The following DNAH11 variants were observed in gnomAD, a reference collection of about 807,000 sequenced individuals.
The protein encoded by DNAH11 is dynein axonemal heavy chain 11, also known as axonemal beta dynein heavy chain 11.
DNAH11 carries 442 observed loss-of-function variants against 526.0 expected under a neutral mutation model. That is an observed-to-expected ratio of 0.84 (90% CI 0.78 to 0.91). The LOEUF is 0.91. DNAH11 is among the 40% of genes least tolerant of loss of function. The pLI is 0.00. For synonymous variants in DNAH11, 2,461 were observed against 1,935.9 expected (o/e 1.27, Z -7.12); for missense variants, 6,989 against 5,448.7 (o/e 1.28, Z -8.90).
At position 21,635,973 on chromosome 7, in the gene DNAH11, A is replaced by G; in HGVS notation, c.4603A>G (p.Thr1535Ala). 1 of 1,613,718 alleles carries G rather than the reference A, an allele frequency of 6.2e-7. No individual in the cohort carries two copies. Among genetic ancestry groups the G allele is most frequent in the Middle Eastern group, 1.6e-4 (1 of 6,062 alleles). The change falls in exon 26 of 82, where the codon ACT becomes GCT. Residue 1535 changes from threonine (T) to alanine (A), a missense_variant. Coordinates refer to ENST00000409508, the MANE Select transcript of DNAH11 (RefSeq NM_001277115.2). ...AAACATAGCAGACTTGGTCATCTTCACTTGGATGGAAGTCCAGCGAACTTG... is the reference window on the plus strand; with the variant it reads ...AAACATAGCAGACTTGGTCATCTTCGCTTGGATGGAAGTCCAGCGAACTTG... The part of the protein sequence containing the change: ...KLNIADLVIF[T>A]WMEVQRTWSH...
At position 21,901,283 on chromosome 7, in the gene DNAH11, C is replaced by G. The variant is rs1583831085; in HGVS notation, c.*29C>G. ...AACACTGGCATTCCTCTAGCCTCTG[C>G]TGGAGTGCAGTGAGGATTTTCTAGC... On this transcript the variant is annotated 3_prime_UTR_variant, in exon 82 of 82. Transcript: ENST00000409508. 1 of 1,581,154 alleles carries G rather than the reference C, an allele frequency of 6.3e-7. No individual in the cohort carries two copies. The highest frequency in any genetic ancestry group is 1.3e-5 in the African/African-American group (1 of 74,146).
chr7:21,557,142 C>G (rs1783252633), intron 2 of DNAH11, among the ~76,000 whole-genome samples: 1 of 152,122 alleles, frequency 6.6e-6, no homozygotes, highest in Non-Finnish European at 1.5e-5. Context: ...ACTCTTCAGC[C>G]TGTTTGCAGA....
At position 21,877,792 on chromosome 7, in the gene DNAH11, A is replaced by G. The variant is rs1783774337; in HGVS notation, c.12196-2910A>G. 4.0e-5 allele frequency among the ~76,000 whole-genome samples: 6 copies of G among 148,480 alleles called. No individual in the cohort carries two copies. The South Asian group carries it at 1.1e-3, about 27-fold the overall frequency. On this transcript the variant is annotated intron_variant, in intron 74 of 81. Transcript: ENST00000409508. ...CGGGAGGCTGAGGCAGGAGAATGGC[A>G]TGAACCCGGGAGGCAGAGGTTGCAA... is the stretch of plus-strand genomic sequence containing the variant.
chr7:21,862,125 T>TTA, intron 69 of DNAH11, 102 bp downstream of exon 69: 3 of 1,212,256 alleles, frequency 2.5e-6, no homozygotes, highest in Non-Finnish European at 1.1e-6. Flanking sequence ...TAATAGACTT[T>TTA]TTTTTTTTTT....
At chr7:21,753,649 C>T (rs1447153480) in intron 54 of DNAH11, among the ~76,000 whole-genome samples, 1 of 152,162 alleles carries the variant, frequency 6.6e-6, no homozygotes, top group African/African-American at 2.4e-5. Flanking sequence ...TTAATTGTGT[C>T]TGTTTCTAAA....
intron 28 of DNAH11, among the ~76,000 whole-genome samples, chr7:21,648,487 G>A (rs116283103): frequency 1.8e-4 from 27 of 152,250 alleles, no homozygotes; most frequent in African/African-American, 6.5e-4. Flanking sequence ...GTCAACCCTA[G>A]CCTGCTGGAT....
chr7:21,638,528 G>A (rs923067628), intron 27 of DNAH11, among the ~76,000 whole-genome samples: 23 of 152,088 alleles, frequency 1.5e-4, no homozygotes, highest in African/African-American at 5.3e-4. Flanking sequence ...ACATCCAGTG[G>A]GGGAAAAGAA....
At chr7:21,733,975 T>A (rs1343477656) in intron 45 of DNAH11, among the ~76,000 whole-genome samples, 1 of 152,098 alleles carries the variant, frequency 6.6e-6, no homozygotes, top group Non-Finnish European at 1.5e-5. Context: ...GACTTTGAAT[T>A]TTAAAACTGG....
chr7:21,717,987 G>A (rs1427938301), intron 43 of DNAH11, 62 bp downstream of exon 43: 2 of 1,529,196 alleles, frequency 1.3e-6, no homozygotes, highest in Non-Finnish European at 1.8e-6. Context: ...TGTTGATCAA[G>A]ACAACAGAAG....
chr7:21,808,401 C>T (rs1282701670), intron 63 of DNAH11, among the ~76,000 whole-genome samples: 2 of 151,954 alleles, frequency 1.3e-5, no homozygotes, highest in South Asian at 4.1e-4. Flanking sequence ...CACTATAATT[C>T]TTCCTTTCTA....
chr7:21,745,739 G>T (rs976645665), intron 51 of DNAH11, among the ~76,000 whole-genome samples: 1 of 152,228 alleles, frequency 6.6e-6, no homozygotes, highest in Non-Finnish European at 1.5e-5. Context: ...ATATCAGAAA[G>T]TGATGTGTCA....
At chr7:21,831,674 A>C (rs892645525) in intron 65 of DNAH11, among the ~76,000 whole-genome samples, 2 of 152,150 alleles carry the variant, frequency 1.3e-5, no homozygotes, top group Non-Finnish European at 2.9e-5. Context: ...TGCTTTTCAA[A>C]CTGGAATCCT....
chr7:21,597,558 G>T (rs540269132), intron 14 of DNAH11, among the ~76,000 whole-genome samples: 1 of 152,136 alleles, frequency 6.6e-6, no homozygotes, highest in Non-Finnish European at 1.5e-5. Flanking sequence ...AGCAAGGTCC[G>T]TCTTACATGG....
intron 29 of DNAH11, among the ~76,000 whole-genome samples, chr7:21,657,812 C>T (rs533339055): frequency 1.3e-5 from 2 of 152,256 alleles, no homozygotes; most frequent in South Asian, 4.2e-4. Flanking sequence ...AGGCCATTTC[C>T]AGAGCAGTGT....
Position 21,614,993 on chromosome 7 carries a change from T to A in DNAH11, c.3853-121T>A, listed in dbSNP as rs1785697590. The A allele has an allele frequency of 1.0e-5, 12 of 1,192,194 alleles. No homozygotes were observed. The East Asian group carries it at 3.2e-4, about 31-fold the overall frequency. 73.9% of individuals were successfully genotyped at this position (1,192,194 alleles called of 1,614,324 possible). On this transcript the variant is annotated intron_variant, in intron 20 of 81. Coordinates refer to ENST00000409508, the MANE Select transcript of DNAH11 (RefSeq NM_001277115.2). ...ATTTTGCCAGTAATTACGCTGCAGA[T>A]TTATTTTTATTTTCCCGTTAAAAAT... is the stretch of plus-strand genomic sequence containing the variant.
At chr7:21,543,765 C>G (rs1427247213) in intron 1 of DNAH11, 169 bp downstream of exon 1, 21 of 661,100 alleles carry the variant, frequency 3.2e-5, no homozygotes, top group Non-Finnish European at 5.1e-5. Context: ...CGTGCACCCA[C>G]TCTGCAGTTC....
At chr7:21,599,722 G>C in intron 14 of DNAH11, 65 bp from the exon 15 acceptor site, 2 of 1,215,286 alleles carry the variant, frequency 1.6e-6, no homozygotes, top group Non-Finnish European at 2.2e-6. Flanking sequence ...TATTTAAACG[G>C]AGAGTTTTAG....
intron 61 of DNAH11, among the ~76,000 whole-genome samples, chr7:21,799,682 A>G (rs1373156953): frequency 6.6e-6 from 1 of 152,192 alleles, no homozygotes; most frequent in South Asian, 2.1e-4. Flanking sequence ...ATCTCCATCA[A>G]TTCTCATAAA....
rs559702329 is a variant in DNAH11, at chr7:21,684,070, T to C, written c.5621+126T>C. ...AACTATGTGAAAGTGGTGAAGAGAA[T>C]TGAATTAGAGAAACAGAGTTACAGA... is the stretch of plus-strand genomic sequence containing the variant. On this transcript the variant is annotated intron_variant, in intron 32 of 81. Coordinates refer to ENST00000409508, the MANE Select transcript of DNAH11 (RefSeq NM_001277115.2). 4.3e-4 allele frequency: 430 copies of C among 1,000,466 alleles called. 4 individuals are homozygous for C. The South Asian group carries it at 7.4e-3, about 17-fold the overall frequency. 62.0% of individuals were successfully genotyped at this position (1,000,466 alleles called of 1,614,324 possible).
Sources: gnomAD v4.1 joint callset for allele counts (sites outside exome capture counted in the v4.1 genomes callset) on GRCh38, gnomAD v4.1.1 for gene constraint, MANE v1.5 for transcripts, NCBI Gene and HGNC (gene_info 2026-07-23, HGNC 2026-07-21) for gene names.